DLG3: variants seen among roughly 807,000 people sequenced by gnomAD.
DLG3 encodes discs large MAGUK scaffold protein 3.
DLG3 carries 1 observed loss-of-function variant against 64.1 expected under a neutral mutation model. The ratio of observed to expected loss-of-function variants is 0.02; its 90% confidence interval spans 0.01 to 0.07. The LOEUF is 0.07. DLG3 is among the 10% of genes least tolerant of loss of function. DLG3 has a pLI of 1.00. For missense variants in DLG3, 429 were observed against 669.5 expected, an observed-to-expected ratio of 0.64 and a Z score of 3.96; for synonymous variants, 245 against 259.8, an observed-to-expected ratio of 0.94 and a Z score of 0.55.
intron 9 of DLG3, among the ~76,000 whole-genome samples, chrX:70,478,075 C>T (rs2087087386): frequency 8.9e-6 from 1 of 112,255 alleles, no homozygotes; most frequent in Non-Finnish European, 1.9e-5. Flanking sequence ...AATTTTGACT[C>T]GCTTCAAAGT....
rs2087291694 is a variant in DLG3 at position 70,488,162 on chromosome X, C to A, written c.1521-3945C>A. Among the ~76,000 whole-genome samples the A allele has an allele frequency of 2.7e-5, 3 of 110,248 alleles. No individual in the cohort carries two copies. The South Asian group carries it at 1.2e-3, about 44-fold the overall frequency. On this transcript the variant is annotated intron_variant, in intron 10 of 18. Transcript: ENST00000374360. The stretch of plus-strand genomic sequence containing the variant: ...GAGTAACTGGGACTACAGGCATGCA[C>A]CACCACGCCCAGCTAATTTTTGTAT...
intron 7 of DLG3, chrX:70,453,065 C>T (rs1403564797): frequency 2.2e-5 from 5 of 230,226 alleles, no homozygotes; most frequent in Non-Finnish European, 1.6e-5. Context: ...AGAACCCAGG[C>T]GCTGCAACCC....
chrX:70,445,183 A>G lies in DLG3; in HGVS notation c.-19A>G, dbSNP rs2086552463. ...AATCCGGCGTGGGCTGGGGGGTCCG[A>G]GCCGCGGGGGGCAGTGCCATGCACA... On this transcript the variant is annotated 5_prime_UTR_variant, in exon 1 of 19. Coordinates refer to ENST00000374360, the MANE Select transcript of DLG3 (RefSeq NM_021120.4). 8.8e-7 allele frequency: 1 copy of G among 1,136,145 alleles called. No homozygotes were observed. The highest frequency in any genetic ancestry group is 1.2e-6 in the Non-Finnish European group (1 of 853,913). The allele number at this position is 1,136,145 out of a possible 1,213,427, so 93.6% of individuals were successfully genotyped here.
intron 10 of DLG3, among the ~76,000 whole-genome samples, chrX:70,479,554 A>G (rs901637500): frequency 5.4e-5 from 6 of 111,937 alleles, no homozygotes; most frequent in Admixed American, 3.8e-4. Context: ...ATATCAGTCA[A>G]ATGTTCAAAG....
Position 70,454,315 on chromosome X carries a change from A to C in DLG3, c.1404A>C (p.Glu468Asp). 8.3e-7 allele frequency: 1 copy of C among 1,199,831 alleles called. No individual in the cohort carries two copies. The highest frequency in any genetic ancestry group is 1.7e-5 in the African/African-American group (1 of 57,608). Residue 468 changes from glutamate (E) to aspartate (D), a missense_variant and splice_region_variant, in exon 9 of 19, where the codon GAA becomes GAC. This residue lies in a region of DLG3 where 46 missense variants were observed against 52.3 expected (regional missense o/e 0.88). Transcript: ENST00000374360. ...CCATTGTGGCCCAGTACAGACCTGA[A>C]GGTAGGAGAAGGGAAGGTGGGAAGA... is the stretch of plus-strand genomic sequence containing the variant. ...SVTIVAQYRP[E>D]EYSRFESKIH...
rs191560350 is a variant in DLG3 at position 70,479,283 on chromosome X, C to A, written c.1520+19C>A. Reference sequence around the variant, plus strand: ...ATGTCAGGTAAGTTGCCCTTCAGAGCACTAGCCCTTGTGCTGGACGAGGAG... The same window carrying A: ...ATGTCAGGTAAGTTGCCCTTCAGAGAACTAGCCCTTGTGCTGGACGAGGAG... On this transcript the variant is annotated intron_variant, in intron 10 of 18. Transcript: ENST00000374360. 5.9e-4 allele frequency: 662 copies of A among 1,125,116 alleles called. 7 individuals carry two copies. In the East Asian group the frequency reaches 0.02, roughly 33 times the overall value. The allele number at this position is 1,125,116 out of a possible 1,213,427, so 92.7% of individuals were successfully genotyped here.
intron 9 of DLG3, 105 bp downstream of exon 9, chrX:70,454,421 T>C (rs2086665799): frequency 4.4e-6 from 3 of 686,066 alleles, no homozygotes; most frequent in Non-Finnish European, 6.9e-6. Flanking sequence ...CCAGGTCCCT[T>C]CTACCTAGAG....
chrX:70,448,063 A>C (rs62609682), intron 1 of DLG3, among the ~76,000 whole-genome samples: 19,940 of 111,048 alleles, frequency 0.18, 1,499 homozygotes, highest in Non-Finnish European at 0.22. Context: ...TGCTGGGAAA[A>C]ACAAAGGGCT....
At chrX:70,458,472 TG>T (rs2086752360) in intron 9 of DLG3, among the ~76,000 whole-genome samples, 1 of 111,588 alleles carries the variant, frequency 9.0e-6, no homozygotes, top group Non-Finnish European at 1.9e-5. Flanking sequence ...TTAATTTATT[TG>T]TAGAAACAGG....
intron 3 of DLG3, 97 bp downstream of exon 3, chrX:70,449,580 G>A: frequency 8.7e-7 from 1 of 1,154,762 alleles, no homozygotes; most frequent in South Asian, 1.9e-5. Flanking sequence ...CATTAGATCT[G>A]AGGGCGGGGT....
At position 70,445,019 on chromosome X, in the gene DLG3, G is replaced by C; in HGVS notation, c.-183G>C. The C allele has an allele frequency of 7.2e-6, 2 of 279,521 alleles. No homozygotes were observed. Among genetic ancestry groups the C allele is most frequent in the Non-Finnish European group, 1.2e-5 (2 of 162,354 alleles). The allele number at this position is 279,521 out of a possible 1,213,427, so 23.0% of individuals were successfully genotyped here. On this transcript the variant is annotated 5_prime_UTR_variant, in exon 1 of 19. Coordinates refer to ENST00000374360, the MANE Select transcript of DLG3 (RefSeq NM_021120.4). The stretch of plus-strand genomic sequence containing the variant: ...GGGCAGCGTGGGGGCCGAGGCCCCG[G>C]GACGCCCGCCCGGCCCCAGGCCCCG...
At chrX:70,446,426 G>C (rs1234376087) in intron 1 of DLG3, among the ~76,000 whole-genome samples, 2 of 108,569 alleles carry the variant, frequency 1.8e-5, no homozygotes, top group Non-Finnish European at 3.8e-5. Context: ...CCGGGGTGGG[G>C]TGGCGGGGGG....
At position 70,445,134 on chromosome X, in the gene DLG3, G is replaced by C; in HGVS notation, c.-68G>C. 2.2e-6 allele frequency: 2 copies of C among 891,017 alleles called. No individual in the cohort carries two copies. The highest frequency in any genetic ancestry group is 2.5e-5 in the South Asian group (1 of 40,591). 73.4% of individuals were successfully genotyped at this position (891,017 alleles called of 1,213,427 possible). A position where few individuals can be genotyped will look rare whatever the true frequency, so the allele number is the denominator to read the frequency against. ...GAGCCCGGCGGCGGCGGCGGCGGTG[G>C]TGGCGGCGGTGGCGGCGGCGTGGAA... On this transcript the variant is annotated 5_prime_UTR_variant, in exon 1 of 19. Coordinates refer to ENST00000374360, the MANE Select transcript of DLG3 (RefSeq NM_021120.4).
rs745531380 is a variant in DLG3, at chrX:70,465,507, AT to A, written c.1405+11196del. On this transcript the variant is annotated intron_variant, in intron 9 of 18. Coordinates refer to ENST00000374360, the MANE Select transcript of DLG3 (RefSeq NM_021120.4). ...TACTTTCCCATTCTCTTCAAATTAT[AT>A]TTTTCTCCTGCATTTAAAAGTATAT... Among the ~76,000 whole-genome samples the A allele has an allele frequency of 3.9e-4, 44 of 111,818 alleles. No homozygotes were observed. In the South Asian group the frequency reaches 8.5e-3, roughly 22 times the overall value.
intron 10 of DLG3, among the ~76,000 whole-genome samples, chrX:70,485,926 A>G (rs947500322): frequency 9.0e-6 from 1 of 111,317 alleles, no homozygotes; most frequent in Non-Finnish European, 1.9e-5. Flanking sequence ...CTTCGAGGAT[A>G]TTTTTAAAGG....
chrX:70,452,140 C>T, intron 7 of DLG3, 114 bp downstream of exon 7: 6 of 1,090,022 alleles, frequency 5.5e-6, no homozygotes, highest in Non-Finnish European at 7.3e-6. Flanking sequence ...AGGATAAGGC[C>T]CTCATCACTC....
chrX:70,487,937 C>T (rs1015211648), intron 10 of DLG3, among the ~76,000 whole-genome samples: 3 of 111,312 alleles, frequency 2.7e-5, no homozygotes, highest in African/African-American at 9.8e-5. Context: ...AGGTGTGAAC[C>T]ACCGCACCCA....
chrX:70,446,546 G>C (rs915839396), intron 1 of DLG3, among the ~76,000 whole-genome samples: 2 of 112,770 alleles, frequency 1.8e-5, no homozygotes, highest in Non-Finnish European at 1.9e-5. Flanking sequence ...CCCCAGTGGG[G>C]CATGTCCCCC....
At chrX:70,490,562 G>C (rs866122655) in intron 10 of DLG3, among the ~76,000 whole-genome samples, 4 of 112,237 alleles carry the variant, frequency 3.6e-5, no homozygotes, top group Non-Finnish European at 7.5e-5. Context: ...ATCATCTGAC[G>C]CTGATTTTTA....
Sources: gnomAD v4.1 joint callset for allele counts (sites outside exome capture counted in the v4.1 genomes callset) on GRCh38, gnomAD v4.1.1 for gene constraint, gnomAD v4.1.1 regional missense constraint, MANE v1.5 for transcripts, NCBI Gene and HGNC (gene_info 2026-07-23, HGNC 2026-07-21) for gene names.